LARP4: variants seen among roughly 807,000 people sequenced by gnomAD.
The protein encoded by LARP4 is la-related protein 4.
In LARP4, 29 loss-of-function variants were observed where a neutral mutation model predicts 92.9. The observed-to-expected ratio is 0.31, with a 90% CI of 0.23 to 0.43. LARP4 has a LOEUF of 0.43. LARP4 is among the 20% of genes least tolerant of loss of function. The pLI, the probability that LARP4 is intolerant of heterozygous loss-of-function variation, is 1.00. For missense variants in LARP4, 732 were observed against 860.0 expected (o/e 0.85, Z 1.86); for synonymous variants, 279 against 284.1 (o/e 0.98, Z 0.18).
intron 1 of LARP4, among the ~76,000 whole-genome samples, chr12:50,426,720 TG>T (rs1948809116): frequency 1.4e-5 from 2 of 139,288 alleles, no homozygotes; most frequent in Admixed American, 7.2e-5. Context: ...TGTGTGTGTG[TG>T]TGTGTGTGTG....
At chr12:50,407,912 G>T (rs1945137226) in intron 1 of LARP4, among the ~76,000 whole-genome samples, 1 of 152,126 alleles carries the variant, frequency 6.6e-6, no homozygotes, top group Admixed American at 6.6e-5. Flanking sequence ...ATGTAAAAGT[G>T]TAAGTAAATG....
intron 12 of LARP4, among the ~76,000 whole-genome samples, chr12:50,464,312 C>A (rs980257089): frequency 6.6e-6 from 1 of 152,220 alleles, no homozygotes; most frequent in Non-Finnish European, 1.5e-5. Flanking sequence ...ATGGGGACCA[C>A]ACAGTTTATA....
chr12:50,472,334 T>A (rs1957021491), intron 13 of LARP4, among the ~76,000 whole-genome samples: 1 of 152,140 alleles, frequency 6.6e-6, no homozygotes, highest in African/African-American at 2.4e-5. Context: ...TGTTCCTCCT[T>A]TCTCTTATCC....
At chr12:50,474,723 A>AT (rs993300129) in intron 15 of LARP4, among the ~76,000 whole-genome samples, 1 of 152,126 alleles carries the variant, frequency 6.6e-6, no homozygotes, top group African/African-American at 2.4e-5. Context: ...GTTAGGATGA[A>AT]TTTATCATTT....
intron 1 of LARP4, among the ~76,000 whole-genome samples, chr12:50,407,386 C>G (rs1945053793): frequency 6.6e-6 from 1 of 152,116 alleles, no homozygotes; most frequent in South Asian, 2.1e-4. Context: ...AAGTTTTCAT[C>G]TCAGCCTTGT....
chr12:50,406,788 C>T, intron 1 of LARP4, among the ~76,000 whole-genome samples: 1 of 151,934 alleles, frequency 6.6e-6, no homozygotes, highest in East Asian at 1.9e-4. Context: ...ATGATCTCGG[C>T]TCACTGCAAT....
At chr12:50,469,772 G>A (rs111354913) in intron 13 of LARP4, among the ~76,000 whole-genome samples, 16,542 of 151,864 alleles carry the variant, frequency 0.11, 1,277 homozygotes, top group Non-Finnish European at 0.16. Flanking sequence ...AGCTGGGCAT[G>A]GTGGCACGCA....
intron 1 of LARP4, among the ~76,000 whole-genome samples, chr12:50,417,547 A>G (rs1324750747): frequency 6.6e-6 from 1 of 152,144 alleles, no homozygotes; most frequent in Non-Finnish European, 1.5e-5. Flanking sequence ...ATAGTTATTC[A>G]TGGTGCTACT....
intron 1 of LARP4, among the ~76,000 whole-genome samples, chr12:50,416,843 G>A (rs1287171144): frequency 6.6e-6 from 1 of 151,884 alleles, no homozygotes; most frequent in African/African-American, 2.4e-5. Flanking sequence ...CAGGTGTGGT[G>A]GCATGCAGCT....
At chr12:50,401,263 G>T in intron 1 of LARP4, 1 of 582,350 alleles carries the variant, frequency 1.7e-6, no homozygotes. Flanking sequence ...GAAAAACGGA[G>T]GGCTGTTCTG....
chr12:50,475,253 T>A (rs1156787000), intron 15 of LARP4, among the ~76,000 whole-genome samples: 2 of 152,336 alleles, frequency 1.3e-5, no homozygotes, highest in East Asian at 3.9e-4. Flanking sequence ...TATACCATTA[T>A]TCATCTAATC....
intron 1 of LARP4, among the ~76,000 whole-genome samples, chr12:50,416,842 T>A (rs1453394945): frequency 6.6e-6 from 1 of 151,858 alleles, no homozygotes; most frequent in African/African-American, 2.4e-5. Flanking sequence ...CCAGGTGTGG[T>A]GGCATGCAGC....
intron 13 of LARP4, among the ~76,000 whole-genome samples, chr12:50,471,046 C>T (rs951215591): frequency 2.8e-4 from 43 of 151,978 alleles, no homozygotes; most frequent in African/African-American, 8.2e-4. Context: ...CCCAGCACTT[C>T]GGGAGGCTGA....
At chr12:50,409,513 C>T (rs539066931) in intron 1 of LARP4, among the ~76,000 whole-genome samples, 1 of 152,226 alleles carries the variant, frequency 6.6e-6, no homozygotes, top group Admixed American at 6.5e-5. Flanking sequence ...GTAATCCCAG[C>T]ACTTTGGGAG....
intron 1 of LARP4, chr12:50,402,686 G>A (rs1592676737): frequency 2.3e-6 from 1 of 433,584 alleles, no homozygotes; most frequent in South Asian, 1.6e-5. Context: ...TGACAAAACC[G>A]AGCCCCAGAG....
At position 50,400,952 on chromosome 12, in the gene LARP4, G is replaced by T; in HGVS notation, c.-59G>T. ...TCCTTATCCTAGCAATTGGGGCGCG[G>T]GCCTGTGAGCCAGTTGGAGTTGCGG... On this transcript the variant is annotated 5_prime_UTR_variant, in exon 1 of 16. Transcript: ENST00000398473. 1 of 1,613,200 alleles carries T rather than the reference G, an allele frequency of 6.2e-7. No individual in the cohort carries two copies. Among genetic ancestry groups the T allele is most frequent in the Non-Finnish European group, 8.5e-7 (1 of 1,179,162 alleles).
chr12:50,426,075 C>T (rs1948662773), intron 1 of LARP4, among the ~76,000 whole-genome samples: 1 of 152,124 alleles, frequency 6.6e-6, no homozygotes, highest in Non-Finnish European at 1.5e-5. Context: ...CAATTGTCTT[C>T]CTGACCAAGG....
intron 1 of LARP4, among the ~76,000 whole-genome samples, chr12:50,419,818 T>C (rs763454324): frequency 2.0e-4 from 31 of 152,050 alleles, no homozygotes; most frequent in Non-Finnish European, 3.4e-4. Context: ...GGTGGGATGA[T>C]TGCTTGAGCC....
intron 8 of LARP4, among the ~76,000 whole-genome samples, chr12:50,443,620 T>C (rs1241191223): frequency 1.3e-5 from 2 of 152,128 alleles, no homozygotes; most frequent in Non-Finnish European, 2.9e-5. Context: ...TCTTAATTTA[T>C]TTATTTTTGA....
Sources: allele counts gnomAD v4.1 joint callset (sites outside exome capture counted in the v4.1 genomes callset), GRCh38; gene constraint gnomAD v4.1.1; transcripts MANE v1.5; gene names NCBI Gene and HGNC (gene_info 2026-07-23, HGNC 2026-07-21).